Variants in RABGAP1L observed in about 807,000 individuals in gnomAD.
RABGAP1L encodes the protein rab GTPase-activating protein 1-like.
RABGAP1L carries 63 observed loss-of-function variants against 137.7 expected under a neutral mutation model. That is an observed-to-expected ratio of 0.46 (90% CI 0.37 to 0.56). RABGAP1L has a LOEUF of 0.56. RABGAP1L is among the 20% of genes least tolerant of loss of function. The probability of loss-of-function intolerance (pLI) is 0.00; values close to 1 mark genes in which losing one functional copy is unlikely to be tolerated. For missense variants in RABGAP1L, 1,095 were observed against 1,244.0 expected (o/e 0.88, Z 1.80); for synonymous variants, 431 against 433.7 (o/e 0.99, Z 0.08).
At chr1:174,180,506 C>G (rs1307442285) in intron 1 of RABGAP1L, among the ~76,000 whole-genome samples, 1 of 152,138 alleles carries the variant, frequency 6.6e-6, no homozygotes. Context: ...ACTCTGTCAC[C>G]TACCTTAGAG....
intron 19 of RABGAP1L, among the ~76,000 whole-genome samples, chr1:174,843,443 G>T (rs1403524958): frequency 6.8e-6 from 1 of 147,378 alleles, no homozygotes; most frequent in Admixed American, 6.9e-5. Context: ...TGATCTCATT[G>T]TTCAATTCCC....
chr1:174,189,510 T>C (rs1667056082), intron 1 of RABGAP1L, among the ~76,000 whole-genome samples: 1 of 152,244 alleles, frequency 6.6e-6, no homozygotes, highest in Non-Finnish European at 1.5e-5. Flanking sequence ...TGAATATTTC[T>C]CCCCTCCAAA....
intron 11 of RABGAP1L, among the ~76,000 whole-genome samples, 186 bp downstream of exon 11, chr1:174,305,313 G>A (rs894001828): frequency 7.2e-5 from 11 of 152,172 alleles, no homozygotes; most frequent in African/African-American, 2.4e-4. Flanking sequence ...ATAGTCTCCA[G>A]TGCCACTTTT....
rs533746415 is a variant in RABGAP1L at position 174,916,252 on chromosome 1, T to C, written c.2341-41205T>C. Among the ~76,000 whole-genome samples, 4 of 152,286 alleles carry C rather than the reference T, an allele frequency of 2.6e-5. No individual in the cohort carries two copies. In the South Asian group the frequency reaches 8.3e-4, roughly 32 times the overall value. On this transcript the variant is annotated intron_variant, in intron 19 of 25. Coordinates refer to ENST00000681986, the MANE Select transcript of RABGAP1L (RefSeq NM_001366446.1). ...ACCATAAGGGTTTATGTCTGAACTC[T>C]CAATTCTGTTCTGTTAATCTATATG...
intron 13 of RABGAP1L, among the ~76,000 whole-genome samples, chr1:174,539,346 G>A (rs1464572796): frequency 1.3e-5 from 2 of 151,256 alleles, no homozygotes; most frequent in African/African-American, 4.9e-5. Context: ...ACAACATGCA[G>A]GTTTGTTACA....
chr1:174,164,587 T>C (rs999372394), intron 1 of RABGAP1L, among the ~76,000 whole-genome samples: 1 of 152,206 alleles, frequency 6.6e-6, no homozygotes, highest in African/African-American at 2.4e-5. Flanking sequence ...TGACATCATG[T>C]TGGTAGCTCA....
At chr1:174,521,295 T>C (rs1246520528) in intron 13 of RABGAP1L, among the ~76,000 whole-genome samples, 1 of 152,236 alleles carries the variant, frequency 6.6e-6, no homozygotes, top group Non-Finnish European at 1.5e-5. Flanking sequence ...TGGTAAAATC[T>C]GTCATGTGAG....
chr1:174,505,187 A>C (rs1335922176), intron 13 of RABGAP1L, among the ~76,000 whole-genome samples: 1 of 152,180 alleles, frequency 6.6e-6, no homozygotes, highest in African/African-American at 2.4e-5. Flanking sequence ...AAAGCTCTAC[A>C]AGCAGAATTC....
chr1:174,619,614 T>G (rs1672249806), intron 13 of RABGAP1L, among the ~76,000 whole-genome samples: 1 of 152,182 alleles, frequency 6.6e-6, no homozygotes, highest in South Asian at 2.1e-4. Flanking sequence ...CCACCAGGCC[T>G]GCCCTAAAAG....
intron 12 of RABGAP1L, among the ~76,000 whole-genome samples, chr1:174,386,768 A>T (rs909408420): frequency 6.6e-6 from 1 of 151,978 alleles, no homozygotes; most frequent in Admixed American, 6.6e-5. Flanking sequence ...TGGCCTCCCA[A>T]AGTGCTGGGA....
At position 174,990,175 on chromosome 1, in the gene RABGAP1L, G is replaced by A; in HGVS notation, c.*174G>A. On this transcript the variant is annotated 3_prime_UTR_variant, in exon 26 of 26. Transcript: ENST00000681986. The stretch of plus-strand genomic sequence containing the variant: ...TTTTCAAAGGGATGCTATTTAAACT[G>A]ACCTGTTCTATGTTGAATACCTATT... The A allele has an allele frequency of 1.2e-6, 1 of 812,256 alleles. No individual in the cohort carries two copies. Among genetic ancestry groups the A allele is most frequent in the Admixed American group, 3.0e-5 (1 of 33,506 alleles). 50.3% of individuals were successfully genotyped at this position (812,256 alleles called of 1,614,324 possible). A position where few individuals can be genotyped will look rare whatever the true frequency, so the allele number is the denominator to read the frequency against.
intron 17 of RABGAP1L, among the ~76,000 whole-genome samples, chr1:174,737,395 G>A (rs1466315610): frequency 6.6e-6 from 1 of 152,112 alleles, no homozygotes; most frequent in African/African-American, 2.4e-5. Flanking sequence ...GGTGACCTTT[G>A]CTCCAGTTCC....
intron 19 of RABGAP1L, among the ~76,000 whole-genome samples, chr1:174,904,490 A>G (rs1218683706): frequency 6.6e-6 from 1 of 152,174 alleles, no homozygotes; most frequent in African/African-American, 2.4e-5. Flanking sequence ...AAAGGGAGGA[A>G]TATTCCCCCA....
At chr1:174,923,213 T>C (rs1232784091) in intron 19 of RABGAP1L, among the ~76,000 whole-genome samples, 1 of 152,020 alleles carries the variant, frequency 6.6e-6, no homozygotes, top group East Asian at 1.9e-4. Context: ...GTGTGTTATA[T>C]GCTTATAATA....
chr1:174,244,411 T>G (rs1672080433), intron 5 of RABGAP1L: 1 of 152,198 alleles, frequency 6.6e-6, no homozygotes, highest in Non-Finnish European at 1.5e-5. Context: ...ATAAAATCCC[T>G]CAAACTGCAG....
At chr1:174,288,527 T>C (rs573107870) in intron 10 of RABGAP1L, among the ~76,000 whole-genome samples, 1 of 152,328 alleles carries the variant, frequency 6.6e-6, no homozygotes, top group East Asian at 1.9e-4. Context: ...GAATATATTA[T>C]TCCACTGTTT....
intron 11 of RABGAP1L, among the ~76,000 whole-genome samples, chr1:174,344,002 C>T (rs961928906): frequency 1.3e-5 from 2 of 152,174 alleles, no homozygotes; most frequent in African/African-American, 4.8e-5. Context: ...CCTGTTTCAT[C>T]CCTGACTGAC....
chr1:174,620,344 C>G (rs1248796661), intron 13 of RABGAP1L, among the ~76,000 whole-genome samples: 1 of 152,244 alleles, frequency 6.6e-6, no homozygotes, highest in African/African-American at 2.4e-5. Context: ...CTTTTCAGCA[C>G]CACACCACAC....
intron 13 of RABGAP1L, among the ~76,000 whole-genome samples, chr1:174,466,548 A>G (rs1657314529): frequency 6.6e-6 from 1 of 152,164 alleles, no homozygotes; most frequent in Non-Finnish European, 1.5e-5. Context: ...GCACTTTGGG[A>G]GGCTGAGGCG....
Sources: allele counts gnomAD v4.1 joint callset (sites outside exome capture counted in the v4.1 genomes callset), GRCh38; gene constraint gnomAD v4.1.1; transcripts MANE v1.5; gene names NCBI Gene and HGNC (gene_info 2026-07-23, HGNC 2026-07-21).